The following MMEL1 variants were observed in gnomAD, a reference collection of about 807,000 sequenced individuals.
The protein encoded by MMEL1 is membrane metalloendopeptidase like 1, also known as membrane metallo-endopeptidase-like 1.
In MMEL1, 98 loss-of-function variants were observed where a neutral mutation model predicts 117.1. The observed-to-expected ratio is 0.84, with a 90% CI of 0.71 to 0.99. MMEL1 has a LOEUF of 0.99. MMEL1 is among the 50% of genes least tolerant of loss of function. The probability of loss-of-function intolerance (pLI) is 0.00; values close to 1 mark genes in which losing one functional copy is unlikely to be tolerated. For missense variants in MMEL1, 1,014 were observed against 1,049.1 expected (o/e 0.97, Z 0.46); for synonymous variants, 390 against 415.1 (o/e 0.94, Z 0.74).
chr1:2,598,133 C>CGTATCAT, intron 13 of MMEL1, 74 bp downstream of exon 13: 1 of 1,421,938 alleles, frequency 7.0e-7, no homozygotes, highest in Non-Finnish European at 9.9e-7. Flanking sequence ...CGGTGTTTGC[C>CGTATCAT]TACAGCTTAT....
intron 14 of MMEL1, among the ~76,000 whole-genome samples, 165 bp downstream of exon 14, chr1:2,596,395 TG>T (rs1422977696): frequency 6.6e-6 from 1 of 152,006 alleles, no homozygotes; most frequent in Non-Finnish European, 1.5e-5. Context: ...AGTGGCCGGC[TG>T]GGGTCAGGGG....
Position 2,607,064 on chromosome 1 carries a change from T to C in MMEL1, c.541A>G (p.Ile181Val), listed in dbSNP as rs1393913696. 1.9e-6 allele frequency: 3 copies of C among 1,612,092 alleles called. 1 individual carries two copies. The South Asian group carries it at 3.3e-5, about 18-fold the overall frequency. The change falls in exon 7 of 24, where the codon ATA (isoleucine) becomes GTA (valine). Residue 181 changes from isoleucine (I) to valine (V), a missense_variant. Coordinates refer to ENST00000378412, the MANE Select transcript of MMEL1 (RefSeq NM_033467.4). ...AGGGGCTGAGAGCCTCGCTTCTCTA[T>C]CACACCTGAGAAGGGACGCAGTGGT... ...LYRSCMNQSV[I>V]EKRGSQPLLD...
intron 1 of MMEL1, among the ~76,000 whole-genome samples, chr1:2,630,934 C>A (rs753728802): frequency 1.6e-5 from 2 of 128,064 alleles, no homozygotes; most frequent in Non-Finnish European, 3.3e-5. Flanking sequence ...TGATTGTGTG[C>A]GTGGATATGC....
At chr1:2,606,871 G>C in intron 7 of MMEL1, 103 bp downstream of exon 7, 1 of 1,045,174 alleles carries the variant, frequency 9.6e-7, no homozygotes, top group South Asian at 1.4e-5. Flanking sequence ...CAGCCAGCTG[G>C]GGGTGGGGGT....
intron 22 of MMEL1, 114 bp from the exon 23 acceptor site, chr1:2,591,747 C>A: frequency 1.9e-6 from 2 of 1,057,908 alleles, no homozygotes; most frequent in South Asian, 2.6e-5. Flanking sequence ...TGAGGGGAGT[C>A]AGCAGGTGCT....
At position 2,629,406 on chromosome 1, in the gene MMEL1, C is replaced by T. The variant is rs554112410; in HGVS notation, c.79G>A (p.Gly27Arg). ...AGCAGCAGCAGCAGCAGCAGCCCCC[C>T]CTCCAGGAACCCCGGGCGCTTCTGC... ...AGQKRPGFLEGGLLLLLLLVT... is the reference protein window; with the variant it reads ...AGQKRPGFLERGLLLLLLLVT... The change falls in exon 2 of 24, where the codon GGG becomes AGG. Residue 27 changes from glycine (G) to arginine (R), a missense_variant. Gly to Arg is a moderately radical substitution (Grantham distance 125). Transcript: ENST00000378412. 1.4e-5 allele frequency: 21 copies of T among 1,546,286 alleles called. No homozygotes were observed. The African/African-American group carries it at 1.6e-4, about 12-fold the overall frequency.
chr1:2,591,088 C>T lies in MMEL1; in HGVS notation c.2242G>A (p.Val748Ile), dbSNP rs1185364148. 4 of 1,578,948 alleles carry T rather than the reference C, an allele frequency of 2.5e-6. No individual in the cohort carries two copies. The highest frequency in any genetic ancestry group is 2.3e-5 in the South Asian group (2 of 85,446). The part of the protein sequence containing the change: ...TDVHSPLKYR[V>I]LGSLQNLAAF... ...GCCAGGTTCTGCAGCGACCCCAGTA[C>T]CCTGTGGGTGGGTGGGTGTGACAGC... is the stretch of plus-strand genomic sequence containing the variant. The change falls in exon 24 of 24, where the codon GTA becomes ATA. Residue 748 changes from valine to isoleucine, a missense_variant and splice_region_variant. Val to Ile is a conservative substitution (Grantham distance 29). Transcript: ENST00000378412.
intron 2 of MMEL1, among the ~76,000 whole-genome samples, chr1:2,615,771 C>T (rs558757236): frequency 2.7e-4 from 41 of 152,138 alleles, no homozygotes; most frequent in African/African-American, 5.3e-4. Flanking sequence ...TGAAATATTA[C>T]GGAAGGAAAC....
Position 2,591,355 on chromosome 1 carries a change from C to A in MMEL1, c.2240+202G>T, listed in dbSNP as rs901719103. 5 of 603,256 alleles carry A rather than the reference C, an allele frequency of 8.3e-6. No homozygotes were observed. The Admixed American group carries it at 1.2e-4, about 14-fold the overall frequency. 37.4% of individuals were successfully genotyped at this position (603,256 alleles called of 1,614,324 possible). A position where few individuals can be genotyped will look rare whatever the true frequency, so the allele number is the denominator to read the frequency against. ...AAACATTCGCAGCCTGCGGTAGGCT[C>A]CCCCTTCCTAAACCCTTAAATGCCC... On this transcript the variant is annotated intron_variant, in intron 23 of 23. Coordinates refer to ENST00000378412, the MANE Select transcript of MMEL1 (RefSeq NM_033467.4).
At chr1:2,623,387 G>A (rs771405026) in intron 2 of MMEL1, among the ~76,000 whole-genome samples, 8 of 152,230 alleles carry the variant, frequency 5.3e-5, no homozygotes, top group East Asian at 1.9e-4. Context: ...ATTTCCTTCC[G>A]TACAAGAAAA....
At chr1:2,592,118 G>T in intron 21 of MMEL1, 91 bp from the exon 22 acceptor site, 1 of 1,083,654 alleles carries the variant, frequency 9.2e-7, no homozygotes, top group Non-Finnish European at 1.4e-6. Flanking sequence ...TCTGGCTCCA[G>T]GACCTACCCC....
chr1:2,593,993 G>T, intron 18 of MMEL1, 60 bp from the exon 19 acceptor site: 1 of 1,518,980 alleles, frequency 6.6e-7, no homozygotes, highest in Admixed American at 2.1e-5. Flanking sequence ...TGTGTGCCAG[G>T]CTCAGGGATG....
At chr1:2,593,786 G>T (rs763844667) in intron 19 of MMEL1, 28 bp downstream of exon 19, 3 of 1,576,496 alleles carry the variant, frequency 1.9e-6, no homozygotes, top group Non-Finnish European at 2.6e-6. Flanking sequence ...AGGGGAGGGC[G>T]TGTGTGATTG....
chr1:2,607,267 C>T (rs113998627), intron 6 of MMEL1, among the ~76,000 whole-genome samples, 198 bp from the exon 7 acceptor site: 2,963 of 152,348 alleles, frequency 0.019, 44 homozygotes, highest in Non-Finnish European at 0.032. Context: ...AGCTCTGCAG[C>T]GCAGGAGGCG....
chr1:2,608,796 A>C (rs946437889), intron 6 of MMEL1, among the ~76,000 whole-genome samples: 1 of 152,162 alleles, frequency 6.6e-6, no homozygotes, highest in Non-Finnish European at 1.5e-5. Flanking sequence ...CACCGCATGC[A>C]TATACATATA....
chr1:2,606,119 G>GCCAGGAGCCCAGGTC (rs1645022196), intron 8 of MMEL1, 129 bp downstream of exon 8: 5 of 725,572 alleles, frequency 6.9e-6, no homozygotes, highest in South Asian at 4.9e-5. Context: ...GTGGACAGGA[G>GCCAGGAGCCCAGGTC]CCAGGAGCCC....
chr1:2,627,120 T>G (rs1224334422), intron 2 of MMEL1, among the ~76,000 whole-genome samples: 2 of 152,268 alleles, frequency 1.3e-5, no homozygotes, highest in African/African-American at 4.8e-5. Context: ...AAAGCCTTGT[T>G]AAGTCAGAAA....
rs756530819 is a variant in MMEL1, at chr1:2,596,586, G to A, written c.1376C>T (p.Ala459Val). The change falls in exon 14 of 24, where the codon GCG becomes GTG. Residue 459 changes from alanine (A) to valine (V), a missense_variant. Ala to Val is a moderately conservative substitution (Grantham distance 64). Coordinates refer to ENST00000378412, the MANE Select transcript of MMEL1 (RefSeq NM_033467.4). ...CATGCTCTTGCTGTCTCCAGGGAAC[G>A]CCTCCCTGACGTAGAGGGAGCCCAC... is the stretch of plus-strand genomic sequence containing the variant. ...NAVGSLYVRE[A>V]FPGDSKSMVR... 1.1e-5 allele frequency: 17 copies of A among 1,611,750 alleles called. No homozygotes were observed. Among genetic ancestry groups the A allele is most frequent in the African/African-American group, 6.7e-5 (5 of 74,872 alleles).
chr1:2,599,383 A>G (rs569411763), intron 11 of MMEL1, among the ~76,000 whole-genome samples: 2 of 152,386 alleles, frequency 1.3e-5, no homozygotes, highest in Admixed American at 6.5e-5. Context: ...ATGCTAATAT[A>G]TCACAGCTGA....
Sources: gnomAD v4.1 joint callset for allele counts (sites outside exome capture counted in the v4.1 genomes callset) on GRCh38, gnomAD v4.1.1 for gene constraint, MANE v1.5 for transcripts, NCBI Gene and HGNC (gene_info 2026-07-23, HGNC 2026-07-21) for gene names.